SOX5: variants seen among roughly 807,000 people sequenced by gnomAD.
SOX5 encodes the protein transcription factor SOX-5.
A neutral mutation model predicts 92.0 loss-of-function variants in SOX5; 9 were observed. That is an observed-to-expected ratio of 0.10 (90% CI 0.06 to 0.17). SOX5 has a LOEUF of 0.17. Ranked by LOEUF, SOX5 falls within the 10% of genes least tolerant of loss-of-function variation. The probability of loss-of-function intolerance (pLI) is 1.00; values close to 1 mark genes in which losing one functional copy is unlikely to be tolerated. For missense variants in SOX5, 642 were observed against 944.5 expected, an observed-to-expected ratio of 0.68 and a Z score of 4.20; for synonymous variants, 344 against 336.3, an observed-to-expected ratio of 1.02 and a Z score of -0.25.
chr12:24,167,275 G>C (rs909291694), intron 4 of SOX5, among the ~76,000 whole-genome samples: 1 of 152,166 alleles, frequency 6.6e-6, no homozygotes, highest in East Asian at 1.9e-4. Context: ...ATTTCCTGCA[G>C]TACTGAAATT....
chr12:24,508,014 G>A (rs980447147), intron 1 of SOX5, among the ~76,000 whole-genome samples: 2 of 152,124 alleles, frequency 1.3e-5, no homozygotes, highest in Non-Finnish European at 2.9e-5. Context: ...AAAGTATGAT[G>A]TCATCGGAGT....
At chr12:24,390,822 T>C (rs187000997) in intron 1 of SOX5, among the ~76,000 whole-genome samples, 1 of 152,288 alleles carries the variant, frequency 6.6e-6, no homozygotes, top group Admixed American at 6.5e-5. Flanking sequence ...CACATTTTAG[T>C]CATCCATTAA....
At chr12:24,560,217 A>G in intron 1 of SOX5, among the ~76,000 whole-genome samples, 1 of 152,224 alleles carries the variant, frequency 6.6e-6, no homozygotes, top group East Asian at 1.9e-4. Context: ...GTATGCTACT[A>G]TGTAATTAAC....
At chr12:24,386,517 C>T (rs373994501) in intron 1 of SOX5, among the ~76,000 whole-genome samples, 4 of 152,194 alleles carry the variant, frequency 2.6e-5, no homozygotes, top group African/African-American at 9.6e-5. Context: ...AGAAAAACTG[C>T]TTTCTCTCTA....
intron 1 of SOX5, among the ~76,000 whole-genome samples, chr12:24,546,853 C>T (rs1952669584): frequency 6.6e-6 from 1 of 152,202 alleles, no homozygotes; most frequent in South Asian, 2.1e-4. Flanking sequence ...ATGCCACATA[C>T]CCAGTAAACC....
At chr12:23,704,715 T>TATATATATACACACAC (rs1434949526) in intron 6 of SOX5, among the ~76,000 whole-genome samples, 1 of 108,362 alleles carries the variant, frequency 9.2e-6, no homozygotes, top group Non-Finnish European at 2.1e-5. Flanking sequence ...TATATATATA[T>TATATATATACACACAC]ACACACACAC....
intron 1 of SOX5, among the ~76,000 whole-genome samples, chr12:23,936,678 A>C (rs1051274507): frequency 6.6e-6 from 1 of 150,874 alleles, no homozygotes; most frequent in Non-Finnish European, 1.5e-5. Context: ...GAAATATGAG[A>C]GCCACAAATA....
chr12:24,552,070 AG>A (rs1953241123), intron 1 of SOX5, among the ~76,000 whole-genome samples: 1 of 151,972 alleles, frequency 6.6e-6, no homozygotes, highest in Non-Finnish European at 1.5e-5. Flanking sequence ...AACTGGCCCC[AG>A]GGCCCCCTTC....
intron 2 of SOX5, among the ~76,000 whole-genome samples, chr12:24,349,426 C>A (rs548407464): frequency 6.6e-6 from 1 of 152,282 alleles, no homozygotes; most frequent in African/African-American, 2.4e-5. Context: ...GACAATAAGT[C>A]AATTTTCTCT....
At chr12:23,611,756 A>T (rs1329066885) in intron 8 of SOX5, among the ~76,000 whole-genome samples, 1 of 151,982 alleles carries the variant, frequency 6.6e-6, no homozygotes, top group Non-Finnish European at 1.5e-5. Flanking sequence ...GGATTAGGAG[A>T]TGGAGATATT....
intron 10 of SOX5, among the ~76,000 whole-genome samples, chr12:23,564,290 C>T (rs967355596): frequency 6.6e-6 from 1 of 152,142 alleles, no homozygotes; most frequent in African/African-American, 2.4e-5. Context: ...ATCTGCATGA[C>T]ATTAGACGTA....
intron 4 of SOX5, among the ~76,000 whole-genome samples, chr12:23,983,923 A>T (rs1949828384): frequency 6.6e-6 from 1 of 152,172 alleles, no homozygotes; most frequent in African/African-American, 2.4e-5. Context: ...CAACAAAATA[A>T]ACCTCAATGT....
intron 4 of SOX5, among the ~76,000 whole-genome samples, chr12:23,994,466 T>G (rs1950854064): frequency 6.6e-6 from 1 of 152,204 alleles, no homozygotes; most frequent in Non-Finnish European, 1.5e-5. Context: ...GATACAGATA[T>G]CTACATCAAT....
intron 9 of SOX5, among the ~76,000 whole-genome samples, chr12:23,580,258 T>C (rs908505082): frequency 6.6e-6 from 1 of 152,022 alleles, no homozygotes; most frequent in Non-Finnish European, 1.5e-5. Context: ...CTCTTTTAAT[T>C]TCTGTGACAA....
At chr12:24,199,592 A>G (rs1403100680) in intron 4 of SOX5, among the ~76,000 whole-genome samples, 1 of 152,194 alleles carries the variant, frequency 6.6e-6, no homozygotes, top group Non-Finnish European at 1.5e-5. Flanking sequence ...TGTGCTGGGT[A>G]GAAATAACAC....
intron 8 of SOX5, among the ~76,000 whole-genome samples, chr12:23,625,015 T>C (rs573310809): frequency 4.6e-5 from 7 of 152,088 alleles, no homozygotes; most frequent in Non-Finnish European, 8.8e-5. Context: ...TAATATACCA[T>C]ATGCGTATAA....
At chr12:23,582,518 G>A (rs920589820) in intron 9 of SOX5, among the ~76,000 whole-genome samples, 5 of 152,058 alleles carry the variant, frequency 3.3e-5, no homozygotes, top group African/African-American at 1.2e-4. Flanking sequence ...TAAAAATCAA[G>A]TCTATCATCT....
At chr12:24,557,634 A>C (rs1793401103) in intron 1 of SOX5, among the ~76,000 whole-genome samples, 1 of 152,168 alleles carries the variant, frequency 6.6e-6, no homozygotes. Context: ...CTGCGTATCA[A>C]ACTAAAGTCC....
chr12:23,734,912 T>G (rs184882018), intron 5 of SOX5, among the ~76,000 whole-genome samples, 160 bp from the exon 6 acceptor site: 61 of 152,304 alleles, frequency 4.0e-4, no homozygotes, highest in African/African-American at 1.3e-3. Flanking sequence ...CTAAATAAGA[T>G]CAAGGAAGAT....
Sources: allele counts gnomAD v4.1 joint callset (sites outside exome capture counted in the v4.1 genomes callset), GRCh38; gene constraint gnomAD v4.1.1; transcripts MANE v1.5; gene names NCBI Gene and HGNC (gene_info 2026-07-23, HGNC 2026-07-21).